Variants in RIMS1 observed in about 807,000 individuals in gnomAD.
RIMS1 encodes regulating synaptic membrane exocytosis protein 1.
Under a neutral mutation model 214.1 loss-of-function variants are expected in RIMS1, and 83 were observed. The ratio of observed to expected loss-of-function variants is 0.39; its 90% CI spans 0.32 to 0.47. The LOEUF is 0.47. Among genes scored for constraint, RIMS1 ranks in the 20% least tolerant of loss-of-function variants. The pLI is 0.99. For synonymous variants in RIMS1, 793 were observed against 786.8 expected, an observed-to-expected ratio of 1.01 and a Z score of -0.13; for missense variants, 2,050 against 2,161.8, an observed-to-expected ratio of 0.95 and a Z score of 1.03.
chr6:72,013,692 C>T (rs1246270398), intron 2 of RIMS1, among the ~76,000 whole-genome samples: 3 of 152,174 alleles, frequency 2.0e-5, no homozygotes, highest in Non-Finnish European at 4.4e-5. Flanking sequence ...AAAGCTTAAA[C>T]TGAGTAGTCT....
chr6:72,113,410 G>T (rs2036479704), intron 4 of RIMS1, among the ~76,000 whole-genome samples: 1 of 151,920 alleles, frequency 6.6e-6, no homozygotes, highest in African/African-American at 2.4e-5. Flanking sequence ...TGCTTTTATA[G>T]CATTTGAAAT....
intron 28 of RIMS1, among the ~76,000 whole-genome samples, chr6:72,330,493 A>G (rs1375200323): frequency 6.6e-6 from 1 of 151,676 alleles, no homozygotes; most frequent in African/African-American, 2.4e-5. Flanking sequence ...TTCATTCAGC[A>G]ATGGGAAGGG....
chr6:71,909,176 T>C (rs1210675557), intron 1 of RIMS1, among the ~76,000 whole-genome samples: 1 of 152,090 alleles, frequency 6.6e-6, no homozygotes, highest in Non-Finnish European at 1.5e-5. Flanking sequence ...CTTGTATTTT[T>C]AGTAGAGACG....
At chr6:71,909,444 T>G (rs1450383773) in intron 1 of RIMS1, among the ~76,000 whole-genome samples, 1 of 152,178 alleles carries the variant, frequency 6.6e-6, no homozygotes, top group Non-Finnish European at 1.5e-5. Flanking sequence ...CTCTCTGAAT[T>G]CTGTGGGGCA....
At chr6:72,321,647 A>G (rs1225871429) in intron 28 of RIMS1, among the ~76,000 whole-genome samples, 1 of 152,058 alleles carries the variant, frequency 6.6e-6, no homozygotes, top group Admixed American at 6.6e-5. Flanking sequence ...CCTTTTTATT[A>G]TCACTCCCCT....
At chr6:72,288,604 A>G (rs2092804251) in intron 24 of RIMS1, among the ~76,000 whole-genome samples, 1 of 152,176 alleles carries the variant, frequency 6.6e-6, no homozygotes, top group Non-Finnish European at 1.5e-5. Flanking sequence ...TACACTCTGT[A>G]CCTCAGAATT....
intron 2 of RIMS1, among the ~76,000 whole-genome samples, chr6:72,035,455 A>G (rs1436664229): frequency 1.3e-5 from 2 of 152,154 alleles, no homozygotes; most frequent in Non-Finnish European, 2.9e-5. Flanking sequence ...TTTAAAGGGC[A>G]TTAGACCCCC....
At chr6:71,995,794 A>G (rs1246545777) in intron 2 of RIMS1, among the ~76,000 whole-genome samples, 2 of 151,806 alleles carry the variant, frequency 1.3e-5, no homozygotes, top group African/African-American at 2.4e-5. Flanking sequence ...ATCTATTCAC[A>G]TATTTTTTTT....
intron 4 of RIMS1, among the ~76,000 whole-genome samples, chr6:72,146,829 A>C (rs186102167): frequency 6.6e-6 from 1 of 152,232 alleles, no homozygotes; most frequent in Non-Finnish European, 1.5e-5. Flanking sequence ...TATTTTAAGT[A>C]GTCTCAATTA....
At chr6:72,245,529 C>T (rs1328647819) in intron 10 of RIMS1, among the ~76,000 whole-genome samples, 1 of 151,954 alleles carries the variant, frequency 6.6e-6, no homozygotes, top group Non-Finnish European at 1.5e-5. Flanking sequence ...CCAAAACCTG[C>T]TGTTTTGGTA....
chr6:71,899,524 C>A (rs931874201), intron 1 of RIMS1, among the ~76,000 whole-genome samples: 1 of 151,974 alleles, frequency 6.6e-6, no homozygotes. Context: ...ATACTCTCAT[C>A]TCACCTGTGC....
intron 1 of RIMS1, among the ~76,000 whole-genome samples, chr6:71,943,681 G>A (rs1786908519): frequency 6.6e-6 from 1 of 152,110 alleles, no homozygotes; most frequent in South Asian, 2.1e-4. Context: ...TAGGCAATAA[G>A]CATTTTTTCC....
At chr6:72,231,406 A>G (rs1444625088) in intron 6 of RIMS1, among the ~76,000 whole-genome samples, 2 of 151,760 alleles carry the variant, frequency 1.3e-5, no homozygotes, top group African/African-American at 4.8e-5. Flanking sequence ...ATACTAAAAT[A>G]TATACAAATA....
intron 26 of RIMS1, among the ~76,000 whole-genome samples, chr6:72,296,957 C>A (rs1225989518): frequency 6.6e-6 from 1 of 151,752 alleles, no homozygotes; most frequent in East Asian, 1.9e-4. Flanking sequence ...TTAGTAAGTA[C>A]AAATACCAAA....
At chr6:72,287,513 G>A (rs2092554874) in intron 24 of RIMS1, among the ~76,000 whole-genome samples, 1 of 152,076 alleles carries the variant, frequency 6.6e-6, no homozygotes, top group Admixed American at 6.6e-5. Flanking sequence ...TGAACTTAGT[G>A]GTAAATGTTT....
chr6:72,360,075 A>G (rs1564499147), intron 29 of RIMS1, among the ~76,000 whole-genome samples: 1 of 152,198 alleles, frequency 6.6e-6, no homozygotes, highest in Non-Finnish European at 1.5e-5. Context: ...AGAAAAATTT[A>G]CAAGTCAGAG....
At position 72,381,685 on chromosome 6, in the gene RIMS1, T is replaced by G. The variant is rs147024925; in HGVS notation, c.4367-8913T>G. The stretch of plus-strand genomic sequence containing the variant: ...TCAGCGAATGGAAAAAACAAAGTTA[T>G]GTTAGCTAACATTTTGCTGAAAATG... On this transcript the variant is annotated intron_variant, in intron 29 of 33. Transcript: ENST00000521978. Among the ~76,000 whole-genome samples, 154 of 152,354 alleles carry G rather than the reference T, an allele frequency of 1.0e-3. 1 individual carries two copies. The highest frequency in any genetic ancestry group is 3.5e-3 in the African/African-American group (145 of 41,582).
At chr6:72,087,526 C>G (rs1295113989) in intron 2 of RIMS1, among the ~76,000 whole-genome samples, 2 of 152,192 alleles carry the variant, frequency 1.3e-5, no homozygotes, top group African/African-American at 4.8e-5. Context: ...ACTTTTTCTA[C>G]TAAAGGTTGA....
intron 1 of RIMS1, among the ~76,000 whole-genome samples, chr6:71,924,807 CAAAAAAAAA>C (rs10652071): frequency 3.2e-5 from 2 of 62,062 alleles, no homozygotes; most frequent in Non-Finnish European, 5.8e-5. Flanking sequence ...ACCCTGTCTC[CAAAAAAAAA>C]AAAAAAAAAA....
Sources: gnomAD v4.1 joint callset for allele counts (sites outside exome capture counted in the v4.1 genomes callset) on GRCh38, gnomAD v4.1.1 for gene constraint, MANE v1.5 for transcripts, NCBI Gene and HGNC (gene_info 2026-07-23, HGNC 2026-07-21) for gene names.